SLC25A12: variants seen among roughly 807,000 people sequenced by gnomAD.
The protein encoded by SLC25A12 is electrogenic aspartate/glutamate antiporter SLC25A12, mitochondrial.
A neutral mutation model predicts 83.3 loss-of-function variants in SLC25A12; 32 were observed. The observed-to-expected ratio is 0.38, with a 90% CI of 0.29 to 0.52. SLC25A12 has a LOEUF of 0.52. SLC25A12 is among the 20% of genes least tolerant of loss of function. The probability of loss-of-function intolerance (pLI) is 0.84; values close to 1 mark genes in which losing one functional copy is unlikely to be tolerated. For missense variants in SLC25A12, 611 were observed against 835.6 expected (o/e 0.73, Z 3.31); for synonymous variants, 267 against 291.1 (o/e 0.92, Z 0.84).
At chr2:171,873,796 C>T (rs1292771642) in intron 2 of SLC25A12, among the ~76,000 whole-genome samples, 2 of 152,034 alleles carry the variant, frequency 1.3e-5, no homozygotes, top group African/African-American at 4.8e-5. Flanking sequence ...CTTACCATTT[C>T]TTTTTATATA....
intron 3 of SLC25A12, among the ~76,000 whole-genome samples, chr2:171,866,500 G>C (rs1202031587): frequency 2.2e-5 from 3 of 139,158 alleles, no homozygotes; most frequent in African/African-American, 8.1e-5. Context: ...GTGGCTGGCC[G>C]GGCAGAGGGG....
intron 2 of SLC25A12, among the ~76,000 whole-genome samples, chr2:171,889,192 T>C (rs1167846952): frequency 6.6e-6 from 1 of 152,172 alleles, no homozygotes; most frequent in African/African-American, 2.4e-5. Flanking sequence ...AATTTGTATC[T>C]GTCCAAATCC....
At chr2:171,796,686 A>G (rs1301234920) in intron 13 of SLC25A12, among the ~76,000 whole-genome samples, 2 of 152,008 alleles carry the variant, frequency 1.3e-5, no homozygotes, top group African/African-American at 4.8e-5. Flanking sequence ...TTAAAACCTC[A>G]TGATAGGCCT....
rs184325190 is a variant in SLC25A12, at chr2:171,790,841, G to A, written c.1585+610C>T. Among the ~76,000 whole-genome samples the A allele has an allele frequency of 4.6e-4, 70 of 152,016 alleles. 1 individual carries two copies. Among genetic ancestry groups the A allele is most frequent in the Non-Finnish European group, 8.7e-4 (59 of 67,962 alleles). The stretch of plus-strand genomic sequence containing the variant: ...TCCCACCTCAGCCTCCCGGGTAGCT[G>A]GCTGGGACTACAGGCACGCACCACT... On this transcript the variant is annotated intron_variant, in intron 15 of 17. Coordinates refer to ENST00000422440, the MANE Select transcript of SLC25A12 (RefSeq NM_003705.5).
At chr2:171,844,241 G>A in intron 5 of SLC25A12, 128 bp downstream of exon 5, 1 of 950,164 alleles carries the variant, frequency 1.1e-6, no homozygotes, top group Non-Finnish European at 1.6e-6. Context: ...TCTGGCGAGG[G>A]GGAAATTTAA....
At chr2:171,806,937 T>C (rs1172776113) in intron 13 of SLC25A12, among the ~76,000 whole-genome samples, 1 of 152,196 alleles carries the variant, frequency 6.6e-6, no homozygotes, top group Non-Finnish European at 1.5e-5. Flanking sequence ...CTGGTGGCTG[T>C]TTGCCAGGTA....
At position 171,791,440 on chromosome 2, in the gene SLC25A12, T is replaced by A. The variant is rs754257699; in HGVS notation, c.1585+11A>T. ...GAGAATTCTTTCAGTTAAAAAAAAA[T>A]TTGTAGTTACCTGCCATGGCTCCAG... On this transcript the variant is annotated intron_variant, in intron 15 of 17. Coordinates refer to ENST00000422440, the MANE Select transcript of SLC25A12 (RefSeq NM_003705.5). The A allele has an allele frequency of 6.2e-6, 10 of 1,611,500 alleles. No homozygotes were observed. In the African/African-American group the frequency reaches 6.7e-5, roughly 11 times the overall value.
chr2:171,868,811 C>T lies in SLC25A12; in HGVS notation c.79G>A (p.Glu27Lys). The T allele has an allele frequency of 6.2e-7, 1 of 1,610,972 alleles. No individual in the cohort carries two copies. Among genetic ancestry groups the T allele is most frequent in the Non-Finnish European group, 8.5e-7 (1 of 1,177,262 alleles). Residue 27 changes from glutamate to lysine, a missense_variant, in exon 3 of 18, where the codon GAG (glutamate) becomes AAG (lysine). By Grantham distance (56) the Glu-to-Lys change is moderately conservative. Around this residue, in one of 3 missense-constraint regions of SLC25A12, gnomAD observed 540 missense variants for 777.5 expected, o/e 0.69. Coordinates refer to ENST00000422440, the MANE Select transcript of SLC25A12 (RefSeq NM_003705.5). ...RNIFLQYASTEVDGERYMTPE... is the reference protein window; with the variant it reads ...RNIFLQYASTKVDGERYMTPE... Reference sequence around the variant, plus strand: ...GTCATATAACGCTCTCCATCAACCTCAGTACTGGCATACTAAAAAAATAAA... The same window carrying T: ...GTCATATAACGCTCTCCATCAACCTTAGTACTGGCATACTAAAAAAATAAA...
intron 2 of SLC25A12, among the ~76,000 whole-genome samples, chr2:171,888,429 T>C (rs1685867820): frequency 6.6e-6 from 1 of 151,112 alleles, no homozygotes; most frequent in Non-Finnish European, 1.5e-5. Context: ...TAAAAATATA[T>C]ATATATTTTT....
intron 4 of SLC25A12, among the ~76,000 whole-genome samples, chr2:171,854,362 T>C (rs1247341277): frequency 1.3e-5 from 2 of 152,022 alleles, no homozygotes; most frequent in East Asian, 3.9e-4. Flanking sequence ...AGGTCAACTG[T>C]TCGAGACCAG....
intron 8 of SLC25A12, 54 bp downstream of exon 8, chr2:171,833,909 A>G: frequency 1.8e-6 from 2 of 1,083,326 alleles, no homozygotes; most frequent in South Asian, 2.5e-5. Context: ...CCACTGCTTC[A>G]CATTTTAGAA....
chr2:171,887,323 T>C (rs556665259), intron 2 of SLC25A12, among the ~76,000 whole-genome samples: 86 of 152,168 alleles, frequency 5.7e-4, no homozygotes, highest in Non-Finnish European at 4.0e-4. Flanking sequence ...CATTGTTACA[T>C]TGGTGATAAT....
intron 5 of SLC25A12, among the ~76,000 whole-genome samples, chr2:171,838,992 A>G (rs1211749395): frequency 2.6e-5 from 4 of 152,224 alleles, no homozygotes; most frequent in East Asian, 1.9e-4. Flanking sequence ...GAAGTTAAAC[A>G]CAGAAAAAAA....
In SLC25A12 at chr2:171,855,836, A is replaced by G; in HGVS notation, c.323T>C (p.Phe108Ser). 6.4e-7 allele frequency: 1 copy of G among 1,568,704 alleles called. No homozygotes were observed. Among genetic ancestry groups the G allele is most frequent in the Non-Finnish European group, 8.8e-7 (1 of 1,138,522 alleles). Reference protein sequence around the residue: ...FDKSGNGEVTFENVKEIFGQT... With the variant: ...FDKSGNGEVTSENVKEIFGQT... ...TTATAATCTTCTTTTTCCCTTACCA[A>G]ATGTCACCTCTCCATTTCCACTCTT... is the stretch of plus-strand genomic sequence containing the variant. The change falls in exon 4 of 18, where the codon TTT (phenylalanine) becomes TCT (serine). Residue 108 changes from phenylalanine to serine, a missense_variant and splice_region_variant. Physicochemically the swap from Phe to Ser is radical, Grantham distance 155. Transcript: ENST00000422440.
intron 9 of SLC25A12, among the ~76,000 whole-genome samples, chr2:171,826,264 C>T (rs1345652972): frequency 2.0e-5 from 3 of 152,166 alleles, no homozygotes; most frequent in Non-Finnish European, 4.4e-5. Context: ...TTTTCCTTAT[C>T]TGAACAAAAC....
At chr2:171,885,953 C>T (rs546234253) in intron 2 of SLC25A12, among the ~76,000 whole-genome samples, 1 of 152,226 alleles carries the variant, frequency 6.6e-6, no homozygotes, top group East Asian at 1.9e-4. Flanking sequence ...TTTATTCTTC[C>T]CTCAAGTTAA....
At chr2:171,859,757 G>T (rs1240856137) in intron 3 of SLC25A12, among the ~76,000 whole-genome samples, 2 of 146,470 alleles carry the variant, frequency 1.4e-5, no homozygotes, top group African/African-American at 4.9e-5. Flanking sequence ...TCTGCAAATG[G>T]ATACAACAAT....
chr2:171,814,347 A>G (rs1684003801), intron 10 of SLC25A12, among the ~76,000 whole-genome samples: 2 of 152,102 alleles, frequency 1.3e-5, no homozygotes, highest in African/African-American at 4.8e-5. Flanking sequence ...TCATTTTTGC[A>G]AATAAACATC....
intron 2 of SLC25A12, among the ~76,000 whole-genome samples, chr2:171,892,843 A>C (rs1351149233): frequency 6.6e-6 from 1 of 152,170 alleles, no homozygotes; most frequent in Non-Finnish European, 1.5e-5. Flanking sequence ...AAACTTTGTA[A>C]ACATGCAACT....
Sources: gnomAD v4.1 joint callset for allele counts (sites outside exome capture counted in the v4.1 genomes callset) on GRCh38, gnomAD v4.1.1 for gene constraint, gnomAD v4.1.1 regional missense constraint, MANE v1.5 for transcripts, NCBI Gene and HGNC (gene_info 2026-07-23, HGNC 2026-07-21) for gene names.